MKX: variants seen among roughly 807,000 people sequenced by gnomAD.
MKX encodes the protein mohawk homeobox.
In MKX, 13 loss-of-function variants were observed where a neutral mutation model predicts 36.0. That is an observed-to-expected ratio of 0.36 (90% CI 0.24 to 0.57). MKX has a LOEUF of 0.57. MKX is among the 20% of genes least tolerant of loss of function. The pLI is 0.79. For missense variants in MKX, 458 were observed against 456.4 expected (o/e 1.00, Z -0.03); for synonymous variants, 176 against 178.3 (o/e 0.99, Z 0.10).
At chr10:27,725,816 G>A (rs868251990) in intron 5 of MKX, among the ~76,000 whole-genome samples, 4 of 152,020 alleles carry the variant, frequency 2.6e-5, no homozygotes, top group African/African-American at 4.8e-5. Flanking sequence ...ATTTGGTCTC[G>A]TCAGTGTATA....
chr10:27,737,746 C>A (rs1186312381), intron 3 of MKX, among the ~76,000 whole-genome samples: 5 of 152,092 alleles, frequency 3.3e-5, no homozygotes, highest in African/African-American at 1.2e-4. Context: ...TTACTAGAAT[C>A]CAACTCCAAA....
intron 5 of MKX, among the ~76,000 whole-genome samples, chr10:27,713,221 C>T (rs1239199470): frequency 6.6e-6 from 1 of 152,130 alleles, no homozygotes; most frequent in African/African-American, 2.4e-5. Flanking sequence ...TCTGACCTTC[C>T]ATAGTGTGCA....
chr10:27,733,432 A>G (rs988554707), intron 5 of MKX, among the ~76,000 whole-genome samples: 2 of 152,240 alleles, frequency 1.3e-5, no homozygotes, highest in Admixed American at 6.5e-5. Flanking sequence ...CTAGTATACC[A>G]TAACTACTCT....
chr10:27,718,441 G>A, intron 5 of MKX: 1 of 215,392 alleles, frequency 4.6e-6, no homozygotes, highest in Non-Finnish European at 9.9e-6. Context: ...AGTACAAAAG[G>A]GTAAAAAAGC....
At chr10:27,712,657 A>C (rs1394147508) in intron 5 of MKX, among the ~76,000 whole-genome samples, 2 of 152,194 alleles carry the variant, frequency 1.3e-5, no homozygotes, top group East Asian at 3.9e-4. Context: ...GAAATCATAT[A>C]AACTGCTGTG....
chr10:27,741,488 C>T lies in MKX; in HGVS notation c.205G>A (p.Gly69Arg), dbSNP rs773255887. The T allele has an allele frequency of 6.3e-7, 1 of 1,593,960 alleles. No individual in the cohort carries two copies. Among genetic ancestry groups the T allele is most frequent in the Non-Finnish European group, 8.5e-7 (1 of 1,172,240 alleles). The change falls in exon 3 of 7, where the codon GGG becomes AGG. Residue 69 changes from glycine to arginine, a missense_variant. Gly to Arg is a moderately radical substitution (Grantham distance 125). This residue lies in a region of MKX where 149 missense variants were observed against 114.3 expected (regional missense o/e 1.30). Transcript: ENST00000419761. This position sits in a 1 kb window ranked among gnomAD's most constrained non-coding sequence, Gnocchi z 5.1. ...GCCTGCCGCTTGTGCCTCACCTTCC[C>T]GCCATTCTGCCGGGCGCTGGGACAT... ...HRRTGARQNG[G>R]KVRHKRQALQ...
intron 5 of MKX, among the ~76,000 whole-genome samples, chr10:27,713,285 T>C (rs901443687): frequency 6.6e-6 from 1 of 152,226 alleles, no homozygotes; most frequent in Non-Finnish European, 1.5e-5. Context: ...GATACCCTTG[T>C]TGCCATCTGG....
At position 27,742,462 on chromosome 10, in the gene MKX, C is replaced by A. The variant is rs986917339; in HGVS notation, c.188+766G>T. Among the ~76,000 whole-genome samples, 6 of 152,122 alleles carry A rather than the reference C, an allele frequency of 3.9e-5. No homozygotes were observed. Among genetic ancestry groups the A allele is most frequent in the Admixed American group, 2.0e-4 (3 of 15,280 alleles). On this transcript the variant is annotated intron_variant, in intron 2 of 6. Transcript: ENST00000419761. This position sits in a 1 kb window ranked among gnomAD's most constrained non-coding sequence, Gnocchi z 4.2. ...TCTCTGTTTTACTAAGCAGCGACGCCGCAGAACAAGCAGCTGATGCAATCG... is the reference window on the plus strand; with the variant it reads ...TCTCTGTTTTACTAAGCAGCGACGCAGCAGAACAAGCAGCTGATGCAATCG...
intron 5 of MKX, among the ~76,000 whole-genome samples, chr10:27,699,697 C>T (rs528254342): frequency 6.6e-6 from 1 of 152,314 alleles, no homozygotes; most frequent in African/African-American, 2.4e-5. Flanking sequence ...AGTTTCAATT[C>T]AGCTCCCTAA....
chr10:27,717,803 T>TA (rs1239539713), intron 5 of MKX, among the ~76,000 whole-genome samples: 1 of 152,188 alleles, frequency 6.6e-6, no homozygotes, highest in Non-Finnish European at 1.5e-5. Flanking sequence ...TTTAGCACCT[T>TA]AAAGGATGAA....
chr10:27,741,503 C>A lies in MKX; in HGVS notation c.190G>T (p.Ala64Ser), dbSNP rs1834895454. Residue 64 changes from alanine to serine, a missense_variant and splice_region_variant, in exon 3 of 7, where the codon GCC becomes TCC. Transcript: ENST00000419761. The surrounding 1 kb of genome is among the most constrained non-coding windows in gnomAD (Gnocchi z 5.1). ...CTCACCTTCCCGCCATTCTGCCGGG[C>A]GCTGGGACATGGGGAGAGGAGGCGG... ...NLGLRHRRTG[A>S]RQNGGKVRHK... The A allele has an allele frequency of 6.3e-7, 1 of 1,591,108 alleles. No homozygotes were observed. Among genetic ancestry groups the A allele is most frequent in the East Asian group, 2.3e-5 (1 of 43,848 alleles).
intron 5 of MKX, among the ~76,000 whole-genome samples, chr10:27,675,904 C>G: frequency 6.6e-6 from 1 of 152,292 alleles, no homozygotes; most frequent in African/African-American, 2.4e-5. Context: ...GCCCTACTAC[C>G]CACTTGCAGT....
chr10:27,729,938 A>G (rs1438114266), intron 5 of MKX, among the ~76,000 whole-genome samples: 1 of 152,102 alleles, frequency 6.6e-6, no homozygotes, highest in African/African-American at 2.4e-5. Context: ...GGGGGTCCTT[A>G]TCCTGGCACC....
Position 27,744,820 on chromosome 10 carries a change from G to T in MKX, c.-83+887C>A, listed in dbSNP as rs1835015052. 6.5e-6 allele frequency: 1 copy of T among 153,434 alleles called. No individual in the cohort carries two copies. Among genetic ancestry groups the T allele is most frequent in the African/African-American group, 2.4e-5 (1 of 41,456 alleles). 9.5% of individuals were successfully genotyped at this position (153,434 alleles called of 1,614,324 possible). A position where few individuals can be genotyped will look rare whatever the true frequency, so the allele number is the denominator to read the frequency against. On this transcript the variant is annotated intron_variant, in intron 1 of 6. Transcript: ENST00000419761. The surrounding 1 kb of genome is among the most constrained non-coding windows in gnomAD (Gnocchi z 5.6). ...TCGGCCACCGCAGCAGAGGCCACGC[G>T]TGACATTTAGGACCACGCGTGACCA... is the stretch of plus-strand genomic sequence containing the variant.
intron 5 of MKX, among the ~76,000 whole-genome samples, chr10:27,727,222 G>C (rs1834510415): frequency 6.6e-6 from 1 of 152,132 alleles, no homozygotes. Flanking sequence ...CTTTCGATTT[G>C]TTTATAAGCT....
intron 1 of MKX, 26 bp from the exon 2 acceptor site, chr10:27,743,523 A>T: frequency 8.2e-7 from 1 of 1,213,372 alleles, no homozygotes; most frequent in Non-Finnish European, 1.1e-6. Context: ...GCATCTCGTT[A>T]CTTACTGGCT....
intron 5 of MKX, among the ~76,000 whole-genome samples, chr10:27,711,160 A>C (rs1007191783): frequency 1.3e-5 from 2 of 152,238 alleles, no homozygotes; most frequent in African/African-American, 4.8e-5. Flanking sequence ...GGAAACAGAG[A>C]TAAATCCCAG....
At position 27,744,587 on chromosome 10, in the gene MKX, C is replaced by G. The variant is rs1376441594; in HGVS notation, c.-82-1090G>C. On this transcript the variant is annotated intron_variant, in intron 1 of 6. Transcript: ENST00000419761. The surrounding 1 kb of genome is among the most constrained non-coding windows in gnomAD (Gnocchi z 5.6). ...GCGGCGGACTTCGCCCGCCCCATCT[C>G]CTCGCCTCGCGCCTCGGGACAGCTC... Among the ~76,000 whole-genome samples, 2 of 152,130 alleles carry G rather than the reference C, an allele frequency of 1.3e-5. No individual in the cohort carries two copies. Among genetic ancestry groups the G allele is most frequent in the East Asian group, 3.9e-4 (2 of 5,162 alleles).
chr10:27,725,673 C>CAA (rs77841873), intron 5 of MKX, among the ~76,000 whole-genome samples: 1 of 131,524 alleles, frequency 7.6e-6, no homozygotes, highest in Non-Finnish European at 1.7e-5. Flanking sequence ...CTGCAACTAA[C>CAA]AAAAAAAAAA....
Sources: gnomAD v4.1 joint callset for allele counts (sites outside exome capture counted in the v4.1 genomes callset) on GRCh38, gnomAD v4.1.1 for gene constraint, gnomAD v4.1.1 regional missense constraint, Gnocchi (gnomAD v3.1) non-coding constraint, MANE v1.5 for transcripts, NCBI Gene and HGNC (gene_info 2026-07-23, HGNC 2026-07-21) for gene names.